AATF: variants seen among roughly 807,000 people sequenced by gnomAD.
AATF encodes protein AATF.
In AATF, 48 loss-of-function variants were observed where a neutral mutation model predicts 63.7. The observed-to-expected ratio is 0.75, with a 90% CI of 0.60 to 0.96. The LOEUF (loss-of-function observed/expected upper bound fraction) is 0.96. AATF is among the 40% of genes least tolerant of loss of function. AATF has a pLI of 0.00. For missense variants in AATF, 639 were observed against 685.7 expected (o/e 0.93, Z 0.76); for synonymous variants, 258 against 247.7 (o/e 1.04, Z -0.39).
chr17:36,983,515 T>A (rs2071143431), intron 4 of AATF, among the ~76,000 whole-genome samples: 1 of 151,750 alleles, frequency 6.6e-6, no homozygotes, highest in African/African-American at 2.4e-5. Context: ...ACCCGGCTGA[T>A]TTTTTTTGTA....
In AATF at chr17:36,953,112, T is replaced by G; in HGVS notation, c.510T>G (p.Ser170Arg). 6.2e-7 allele frequency: 1 copy of G among 1,613,650 alleles called. No homozygotes were observed. Among genetic ancestry groups the G allele is most frequent in the Non-Finnish European group, 8.5e-7 (1 of 1,179,930 alleles). ...FTKGMDDLGS[S>R]EEEEDEESGM... Reference sequence around the variant, plus strand: ...AGGGAATGGATGACCTTGGGAGCAGTGAGGAGGAGGAAGACGAAGAGAGTG... The same window carrying G: ...AGGGAATGGATGACCTTGGGAGCAGGGAGGAGGAGGAAGACGAAGAGAGTG... Residue 170 changes from serine (S) to arginine (R), a missense_variant, in exon 3 of 12, where the codon AGT becomes AGG. Physicochemically the swap from Ser to Arg is moderately radical, Grantham distance 110 (BLOSUM62 -1). Coordinates refer to ENST00000619387, the MANE Select transcript of AATF (RefSeq NM_012138.4).
chr17:37,031,688 G>C lies in AATF; in HGVS notation c.1619+3G>C. On this transcript the variant is annotated splice_donor_region_variant and intron_variant, in intron 11 of 11. Coordinates refer to ENST00000619387, the MANE Select transcript of AATF (RefSeq NM_012138.4). ...ACTACAATGAATGATGATGCCAGGT[G>C]AGTAATAGATTAATTATGTGTCTCA... 1 of 1,612,348 alleles carries C rather than the reference G, an allele frequency of 6.2e-7. No homozygotes were observed. The highest frequency in any genetic ancestry group is 8.5e-7 in the Non-Finnish European group (1 of 1,178,354).
chr17:36,969,040 C>T (rs984897817), intron 4 of AATF, among the ~76,000 whole-genome samples: 4 of 151,174 alleles, frequency 2.6e-5, no homozygotes, highest in African/African-American at 9.9e-5. Flanking sequence ...ACATGTTTTT[C>T]TTGGATTTTT....
At chr17:36,979,070 T>G (rs1479987597) in intron 4 of AATF, among the ~76,000 whole-genome samples, 1 of 152,102 alleles carries the variant, frequency 6.6e-6, no homozygotes, top group African/African-American at 2.4e-5. Context: ...CACCGGCAAT[T>G]AATAAATTTG....
At chr17:37,015,220 G>A (rs1027709159) in intron 8 of AATF, among the ~76,000 whole-genome samples, 2 of 152,164 alleles carry the variant, frequency 1.3e-5, no homozygotes, top group Non-Finnish European at 2.9e-5. Context: ...ATTATGCTGT[G>A]AACTGACCTC....
At chr17:37,004,486 T>C (rs563166663) in intron 8 of AATF, among the ~76,000 whole-genome samples, 1 of 152,048 alleles carries the variant, frequency 6.6e-6, no homozygotes, top group Non-Finnish European at 1.5e-5. Context: ...TTGATGGAAA[T>C]GATCCCGTAG....
In AATF at chr17:36,952,963, G is replaced by C; in HGVS notation, c.361G>C (p.Asp121His). ...GLGLEEYDEDDLGAAEEQECG... is the reference protein window; with the variant it reads ...GLGLEEYDEDHLGAAEEQECG... Reference sequence around the variant, plus strand: ...GGGTCTGGAGGAATATGATGAGGACGACCTGGGTGCTGCTGAGGAACAGGA... The same window carrying C: ...GGGTCTGGAGGAATATGATGAGGACCACCTGGGTGCTGCTGAGGAACAGGA... The change falls in exon 3 of 12, where the codon GAC (aspartate) becomes CAC (histidine). Residue 121 changes from aspartate (D) to histidine (H), a missense_variant. Coordinates refer to ENST00000619387, the MANE Select transcript of AATF (RefSeq NM_012138.4). 6.2e-7 allele frequency: 1 copy of C among 1,614,184 alleles called. No individual in the cohort carries two copies. The highest frequency in any genetic ancestry group is 1.3e-5 in the African/African-American group (1 of 75,050).
intron 8 of AATF, among the ~76,000 whole-genome samples, chr17:36,993,832 T>A (rs1055481603): frequency 2.0e-5 from 3 of 152,186 alleles, no homozygotes; most frequent in African/African-American, 7.2e-5. Flanking sequence ...TTAATTCAGG[T>A]GTCTTGAAGC....
chr17:37,050,552 C>T (rs754078274), intron 11 of AATF, among the ~76,000 whole-genome samples: 17 of 152,160 alleles, frequency 1.1e-4, no homozygotes, highest in African/African-American at 1.9e-4. Context: ...TTGGTGACCG[C>T]GCTGGTCTGT....
chr17:37,049,186 CA>C (rs1174518456), intron 11 of AATF, among the ~76,000 whole-genome samples: 40 of 152,218 alleles, frequency 2.6e-4, no homozygotes, highest in Admixed American at 2.6e-3. Context: ...ACTCTGACAG[CA>C]CCTTCCAGCC....
At chr17:36,991,260 C>A (rs1206810745) in intron 8 of AATF, among the ~76,000 whole-genome samples, 4 of 152,120 alleles carry the variant, frequency 2.6e-5, no homozygotes, top group African/African-American at 9.7e-5. Flanking sequence ...CTGAATTGCG[C>A]TACTGATCCT....
chr17:36,986,967 A>G (rs1029150609), intron 5 of AATF, among the ~76,000 whole-genome samples: 2 of 152,070 alleles, frequency 1.3e-5, no homozygotes. Flanking sequence ...TTCTCTTTAG[A>G]TCTATTGGAA....
At chr17:36,976,142 CA>C (rs1334544735) in intron 4 of AATF, among the ~76,000 whole-genome samples, 1 of 152,058 alleles carries the variant, frequency 6.6e-6, no homozygotes, top group Non-Finnish European at 1.5e-5. Flanking sequence ...GAAGTTTTGT[CA>C]TTTTTTTAGT....
intron 4 of AATF, among the ~76,000 whole-genome samples, chr17:36,983,363 T>G (rs1252180679): frequency 6.6e-6 from 1 of 151,616 alleles, no homozygotes; most frequent in Non-Finnish European, 1.5e-5. Context: ...TGTTTTTGTT[T>G]TTGAGATGGA....
chr17:36,961,372 A>G (rs940698692), intron 4 of AATF, among the ~76,000 whole-genome samples: 2 of 152,240 alleles, frequency 1.3e-5, no homozygotes, highest in African/African-American at 2.4e-5. Flanking sequence ...ATTTTTTAAT[A>G]ACCACATTTT....
At chr17:36,975,505 A>G (rs759716366) in intron 4 of AATF, among the ~76,000 whole-genome samples, 17 of 152,192 alleles carry the variant, frequency 1.1e-4, no homozygotes, top group African/African-American at 4.1e-4. Flanking sequence ...TCCATTTTAT[A>G]CTAATCCTTT....
intron 4 of AATF, among the ~76,000 whole-genome samples, chr17:36,964,664 T>C (rs2070976716): frequency 6.6e-6 from 1 of 152,200 alleles, no homozygotes; most frequent in South Asian, 2.1e-4. Context: ...ATTCCTAGTT[T>C]AGTTCAAGTT....
intron 11 of AATF, chr17:37,054,767 G>A (rs573835555): frequency 6.6e-6 from 1 of 152,404 alleles, no homozygotes; most frequent in Non-Finnish European, 1.5e-5. Flanking sequence ...AGGGTATGAT[G>A]TGAAGGGCTA....
intron 8 of AATF, among the ~76,000 whole-genome samples, chr17:37,007,105 A>ATT (rs1301751853): frequency 6.6e-6 from 1 of 152,122 alleles, no homozygotes; most frequent in Non-Finnish European, 1.5e-5. Flanking sequence ...TTCTGTAAAT[A>ATT]TTGCACTTCC....
Sources: gnomAD v4.1 joint callset for allele counts (sites outside exome capture counted in the v4.1 genomes callset) on GRCh38, gnomAD v4.1.1 for gene constraint, MANE v1.5 for transcripts, NCBI Gene and HGNC (gene_info 2026-07-23, HGNC 2026-07-21) for gene names.